PCDHGB1: variants seen among roughly 807,000 people sequenced by gnomAD.
PCDHGB1 encodes the protein protocadherin gamma subfamily B, 1, also known as protocadherin gamma-B1.
Under a neutral mutation model 56.6 loss-of-function variants are expected in PCDHGB1, and 34 were observed. That is an observed-to-expected ratio of 0.60 (90% confidence interval 0.46 to 0.80). The LOEUF (loss-of-function observed/expected upper bound fraction) is 0.80, where lower values mean the gene tolerates loss of function less well. Ranked by LOEUF, PCDHGB1 falls within the 30% of genes least tolerant of loss-of-function variation. The probability of loss-of-function intolerance (pLI) is 0.00; values close to 1 mark genes in which losing one functional copy is unlikely to be tolerated. For synonymous variants in PCDHGB1, 561 were observed against 505.9 expected, an observed-to-expected ratio of 1.11 and a Z score of -1.46; for missense variants, 1,278 against 1,204.6, an observed-to-expected ratio of 1.06 and a Z score of -0.90.
At chr5:141,455,020 G>A (rs201196115) in intron 1 of PCDHGB1, among the ~76,000 whole-genome samples, 1 of 151,166 alleles carries the variant, frequency 6.6e-6, no homozygotes, top group African/African-American at 2.4e-5. Context: ...CACCGTGTTA[G>A]CCAGGATGGT....
At chr5:141,427,361 A>C in intron 1 of PCDHGB1, 1 of 457,772 alleles carries the variant, frequency 2.2e-6, no homozygotes, top group Non-Finnish European at 4.4e-6. Flanking sequence ...AGGACGCAGA[A>C]CCCTGGACGG....
intron 1 of PCDHGB1, chr5:141,427,047 C>T (rs1196561600): frequency 1.1e-5 from 5 of 457,294 alleles, no homozygotes; most frequent in Non-Finnish European, 1.8e-5. Flanking sequence ...GAATGTGCCC[C>T]CAGGCACCTC....
chr5:141,423,693 G>A (rs114008539), intron 1 of PCDHGB1: 1 of 1,396,244 alleles, frequency 7.2e-7, no homozygotes, highest in Non-Finnish European at 9.4e-7. Flanking sequence ...CTAATTGTTG[G>A]TGTCTTGGCA....
intron 1 of PCDHGB1, chr5:141,377,597 C>G (rs935154854): frequency 2.6e-4 from 37 of 142,848 alleles, no homozygotes; most frequent in African/African-American, 9.9e-4. Context: ...CTTTTTCTCT[C>G]TCTCTCTCAA....
Position 141,432,794 on chromosome 5 carries a change from G to C in PCDHGB1, c.2410-62013G>C. 3 of 1,614,138 alleles carry C rather than the reference G, an allele frequency of 1.9e-6. No homozygotes were observed. The highest frequency in any genetic ancestry group is 1.7e-5 in the Admixed American group (1 of 60,026). ...AGTCCTGGCGGACCTCGGCAGCCTC[G>C]AGTCTCCAGCTAACTCTGAAACCTC... On this transcript the variant is annotated intron_variant, in intron 1 of 3. Coordinates refer to ENST00000523390, the MANE Select transcript of PCDHGB1 (RefSeq NM_018922.3). The surrounding 1 kb of genome is among the most constrained non-coding windows in gnomAD (Gnocchi z 6.0).
At chr5:141,373,411 T>C (rs1045675973) in intron 1 of PCDHGB1, among the ~76,000 whole-genome samples, 3 of 152,242 alleles carry the variant, frequency 2.0e-5, no homozygotes, top group Non-Finnish European at 2.9e-5. Flanking sequence ...TAGTCCCAGC[T>C]ACTCGGGAGG....
intron 1 of PCDHGB1, chr5:141,399,911 G>A: frequency 6.2e-7 from 1 of 1,612,384 alleles, no homozygotes; most frequent in Non-Finnish European, 8.5e-7. Flanking sequence ...GCAGACTCAG[G>A]ACACAACGCC....
intron 1 of PCDHGB1, chr5:141,357,870 A>G (rs1760750404): frequency 3.6e-6 from 2 of 550,968 alleles, no homozygotes; most frequent in African/African-American, 1.9e-5. Flanking sequence ...TAATTTTACA[A>G]CTCTGAGCCA....
At chr5:141,471,444 A>G (rs1366430114) in intron 1 of PCDHGB1, 1 of 152,150 alleles carries the variant, frequency 6.6e-6, no homozygotes, top group Non-Finnish European at 1.5e-5. Context: ...AATCTCATGT[A>G]CCTTTTGAAA....
At chr5:141,470,165 G>C (rs559578238) in intron 1 of PCDHGB1, among the ~76,000 whole-genome samples, 1 of 152,276 alleles carries the variant, frequency 6.6e-6, no homozygotes, top group Non-Finnish European at 1.5e-5. Context: ...TCAAATCAAA[G>C]TATGCAAAAT....
At chr5:141,478,584 T>G in intron 1 of PCDHGB1, 1 of 1,577,982 alleles carries the variant, frequency 6.3e-7, no homozygotes, top group Non-Finnish European at 8.6e-7. Flanking sequence ...CTGTTAGTGC[T>G]TTTTTATTCC....
intron 1 of PCDHGB1, chr5:141,371,904 T>C: frequency 2.5e-6 from 4 of 1,613,398 alleles, no homozygotes; most frequent in Non-Finnish European, 3.4e-6. Flanking sequence ...GCTGTCGTCC[T>C]ACGTGTCCGT....
Position 141,432,736 on chromosome 5 carries a change from G to T in PCDHGB1, c.2410-62071G>T. On this transcript the variant is annotated intron_variant, in intron 1 of 3. Transcript: ENST00000523390. The surrounding 1 kb of genome is among the most constrained non-coding windows in gnomAD (Gnocchi z 6.0). ...AGCCCCCTCTCTCCGCCACTGTCACGCTCACCGTGGCCGTGGCCGACAGCA... is the reference window on the plus strand; with the variant it reads ...AGCCCCCTCTCTCCGCCACTGTCACTCTCACCGTGGCCGTGGCCGACAGCA... The T allele has an allele frequency of 6.2e-7, 1 of 1,614,058 alleles. No individual in the cohort carries two copies. The highest frequency in any genetic ancestry group is 8.5e-7 in the Non-Finnish European group (1 of 1,179,980).
At chr5:141,370,986 G>T in intron 1 of PCDHGB1, 1 of 1,613,992 alleles carries the variant, frequency 6.2e-7, no homozygotes, top group Non-Finnish European at 8.5e-7. Flanking sequence ...AGTACTGAAA[G>T]CACCCCTGGA....
intron 2 of PCDHGB1, among the ~76,000 whole-genome samples, chr5:141,497,132 G>T (rs2099774325): frequency 6.6e-6 from 1 of 152,046 alleles, no homozygotes; most frequent in Non-Finnish European, 1.5e-5. Context: ...GTTGCAGTGA[G>T]CTGAGATCAC....
At chr5:141,406,547 A>G (rs1414255326) in intron 1 of PCDHGB1, among the ~76,000 whole-genome samples, 1 of 152,216 alleles carries the variant, frequency 6.6e-6, no homozygotes, top group Non-Finnish European at 1.5e-5. Flanking sequence ...TTCAAACTTC[A>G]GTTATCCACT....
At chr5:141,375,897 C>T in intron 1 of PCDHGB1, 1 of 1,613,798 alleles carries the variant, frequency 6.2e-7, no homozygotes, top group South Asian at 1.1e-5. Flanking sequence ...GCCTGGCTGT[C>T]CTACCGCCTG....
At chr5:141,372,743 T>G (rs989554651) in intron 1 of PCDHGB1, 2 of 1,613,618 alleles carry the variant, frequency 1.2e-6, no homozygotes, top group Admixed American at 1.7e-5. Context: ...TTCTATGTGA[T>G]GAAGCCTCTT....
intron 1 of PCDHGB1, chr5:141,383,475 G>T: frequency 6.2e-7 from 1 of 1,613,594 alleles, no homozygotes; most frequent in Non-Finnish European, 8.5e-7. Flanking sequence ...CTAAGTACCC[G>T]GAACTGGTGC....
Sources: allele counts gnomAD v4.1 joint callset (sites outside exome capture counted in the v4.1 genomes callset), GRCh38; gene constraint gnomAD v4.1.1; non-coding constraint Gnocchi (gnomAD v3.1); transcripts MANE v1.5; gene names NCBI Gene and HGNC (gene_info 2026-07-23, HGNC 2026-07-21).